The following ITSN2 variants were observed in gnomAD, a reference collection of about 807,000 sequenced individuals.
ITSN2 encodes intersectin 2.
ITSN2 carries 156 observed loss-of-function variants against 243.7 expected under a neutral mutation model. The observed-to-expected ratio is 0.64, with a 90% confidence interval of 0.56 to 0.73. The LOEUF is 0.73. Ranked by LOEUF, ITSN2 falls within the 30% of genes least tolerant of loss-of-function variation. ITSN2 has a pLI of 0.00. For missense variants in ITSN2, 1,801 were observed against 1,996.1 expected (o/e 0.90, Z 1.86); for synonymous variants, 703 against 699.9 (o/e 1.00, Z -0.07).
chr2:24,294,431 A>G (rs1236743696), intron 14 of ITSN2, among the ~76,000 whole-genome samples: 2 of 152,158 alleles, frequency 1.3e-5, no homozygotes, highest in East Asian at 3.8e-4. Flanking sequence ...AATAAAAAGG[A>G]CTAAAAACTA....
At chr2:24,334,704 A>T in intron 1 of ITSN2, 1 of 1,585,398 alleles carries the variant, frequency 6.3e-7, no homozygotes, top group Non-Finnish European at 8.6e-7. Flanking sequence ...ACTACAAAGA[A>T]GATTGTGCTA....
At chr2:24,315,109 T>C (rs1311013150) in intron 3 of ITSN2, 23 bp downstream of exon 3, 5 of 1,331,754 alleles carry the variant, frequency 3.8e-6, no homozygotes, top group Non-Finnish European at 1.1e-6. Flanking sequence ...AATTCACTAA[T>C]AAAACTAATT....
chr2:24,263,002 C>A (rs1422975147), intron 20 of ITSN2, among the ~76,000 whole-genome samples: 1 of 152,024 alleles, frequency 6.6e-6, no homozygotes, highest in East Asian at 1.9e-4. Context: ...GGCTTTTTTT[C>A]ATTTCACACT....
At chr2:24,328,180 G>A (rs1186963676) in intron 1 of ITSN2, 65 bp from the exon 2 acceptor site, 6 of 1,136,156 alleles carry the variant, frequency 5.3e-6, no homozygotes, top group Non-Finnish European at 8.0e-6. Context: ...TAGTGCACCC[G>A]CTAAGCAGTA....
chr2:24,337,690 A>G (rs1259211249), intron 1 of ITSN2, among the ~76,000 whole-genome samples: 2 of 133,294 alleles, frequency 1.5e-5, no homozygotes, highest in Admixed American at 1.6e-4. Context: ...GTCTTGCTAC[A>G]TTACCCAGGC....
intron 1 of ITSN2, among the ~76,000 whole-genome samples, chr2:24,334,145 G>A (rs749902842): frequency 1.3e-5 from 2 of 151,568 alleles, no homozygotes; most frequent in Non-Finnish European, 2.9e-5. Context: ...TGCAACCTCC[G>A]CCTCCCAGGT....
At chr2:24,302,185 TTTTATTTATTTA>T (rs200718095) in intron 9 of ITSN2, 83 bp from the exon 10 acceptor site, 22 of 774,434 alleles carry the variant, frequency 2.8e-5, no homozygotes, top group Admixed American at 1.5e-4. Context: ...TTTATTTTAC[TTTTATTTATTTA>T]TTTATTTATT....
At chr2:24,223,910 T>G (rs74363352) in intron 29 of ITSN2, among the ~76,000 whole-genome samples, 2,519 of 151,518 alleles carry the variant, frequency 0.017, 71 homozygotes, top group Admixed American at 0.063. Context: ...AAGAAAGAAA[T>G]AAATCATAAT....
intron 29 of ITSN2, among the ~76,000 whole-genome samples, chr2:24,233,284 C>T (rs1220061741): frequency 6.6e-6 from 1 of 152,108 alleles, no homozygotes; most frequent in Admixed American, 6.5e-5. Context: ...GGAGACTTTG[C>T]CCCAAATTGC....
At position 24,313,534 on chromosome 2, in the gene ITSN2, TA is replaced by T. The variant is rs1683524210; in HGVS notation, c.125-12del. ...TACGTGCTTGATCACCTGGAGGTAA[TA>T]AAAACAAAACCCAAGCAGCACATTA... On this transcript the variant is annotated splice_polypyrimidine_tract_variant and intron_variant, in intron 3 of 39. Coordinates refer to ENST00000355123, the MANE Select transcript of ITSN2 (RefSeq NM_006277.3). 1 of 1,609,866 alleles carries T rather than the reference TA, an allele frequency of 6.2e-7. No individual in the cohort carries two copies. The highest frequency in any genetic ancestry group is 1.3e-5 in the African/African-American group (1 of 74,912).
chr2:24,312,161 G>A (rs766503129), intron 5 of ITSN2, 51 bp downstream of exon 5: 4 of 1,403,396 alleles, frequency 2.9e-6, no homozygotes, highest in Non-Finnish European at 3.9e-6. Flanking sequence ...AATATGCCTA[G>A]GGATAAAGTT....
At chr2:24,216,409 C>G (rs1669957426) in intron 31 of ITSN2, 177 bp from the exon 32 acceptor site, 11 of 467,606 alleles carry the variant, frequency 2.4e-5, no homozygotes, top group Non-Finnish European at 3.0e-5. Context: ...CTCTGCTGGT[C>G]AAGCCAACCG....
At chr2:24,231,318 C>G (rs1392776035) in intron 29 of ITSN2, among the ~76,000 whole-genome samples, 1 of 152,198 alleles carries the variant, frequency 6.6e-6, no homozygotes, top group Non-Finnish European at 1.5e-5. Flanking sequence ...GTCTGACACA[C>G]AGGAGGGCTT....
At chr2:24,322,523 C>T (rs1257723737) in intron 2 of ITSN2, among the ~76,000 whole-genome samples, 1 of 152,142 alleles carries the variant, frequency 6.6e-6, no homozygotes, top group East Asian at 1.9e-4. Context: ...GCTGAAAGAA[C>T]TGGATATCCA....
intron 32 of ITSN2, among the ~76,000 whole-genome samples, chr2:24,213,530 A>T (rs1350655748): frequency 6.6e-6 from 1 of 152,220 alleles, no homozygotes; most frequent in African/African-American, 2.4e-5. Flanking sequence ...GGTTGCTGTC[A>T]CAAGCATCTT....
chr2:24,315,824 C>T (rs763298854), intron 2 of ITSN2, among the ~76,000 whole-genome samples: 1 of 152,212 alleles, frequency 6.6e-6, no homozygotes, highest in African/African-American at 2.4e-5. Context: ...CTTCGCCTTA[C>T]ACCTTAAGTT....
chr2:24,218,287 G>T (rs940909903), intron 30 of ITSN2, among the ~76,000 whole-genome samples: 1 of 152,170 alleles, frequency 6.6e-6, no homozygotes, highest in African/African-American at 2.4e-5. Context: ...CTCTCTTAGG[G>T]ATGTTATGAA....
chr2:24,264,931 A>C (rs536823141), intron 20 of ITSN2, among the ~76,000 whole-genome samples: 5 of 91,364 alleles, frequency 5.5e-5, no homozygotes, highest in Non-Finnish European at 1.1e-4. Context: ...AAAAAGAAAC[A>C]AAAAAAAAAA....
Position 24,303,566 on chromosome 2 carries a change from T to C in ITSN2, c.857+233A>G, listed in dbSNP as rs536227159. Among the ~76,000 whole-genome samples, 12 of 152,342 alleles carry C rather than the reference T, an allele frequency of 7.9e-5. No homozygotes were observed. The East Asian group carries it at 1.7e-3, about 22-fold the overall frequency. On this transcript the variant is annotated intron_variant, in intron 9 of 39. Coordinates refer to ENST00000355123, the MANE Select transcript of ITSN2 (RefSeq NM_006277.3). The stretch of plus-strand genomic sequence containing the variant: ...GTTATTGTATGCCAAGATTAATCTA[T>C]TGTTGAAGAAAATATTTTTTGTAAA...
Sources: gnomAD v4.1 joint callset for allele counts (sites outside exome capture counted in the v4.1 genomes callset) on GRCh38, gnomAD v4.1.1 for gene constraint, MANE v1.5 for transcripts, NCBI Gene and HGNC (gene_info 2026-07-23, HGNC 2026-07-21) for gene names.